The following SLC4A10 variants were observed in gnomAD, a reference collection of about 807,000 sequenced individuals.
SLC4A10 encodes solute carrier family 4 member 10.
Under a neutral mutation model 137.7 loss-of-function variants are expected in SLC4A10, and 42 were observed. That is an observed-to-expected ratio of 0.30 (90% CI 0.24 to 0.39). The LOEUF is 0.39. SLC4A10 is among the 10% of genes least tolerant of loss of function. SLC4A10 has a pLI of 1.00. For synonymous variants in SLC4A10, 474 were observed against 464.1 expected (o/e 1.02, Z -0.27); for missense variants, 925 against 1,355.0 (o/e 0.68, Z 4.98).
At chr2:161,928,287 C>T (rs960869340) in intron 15 of SLC4A10, among the ~76,000 whole-genome samples, 16 of 147,408 alleles carry the variant, frequency 1.1e-4, no homozygotes, top group East Asian at 8.1e-4. Context: ...AAACCAAACA[C>T]GGCATATTCT....
intron 2 of SLC4A10, among the ~76,000 whole-genome samples, chr2:161,793,938 G>A (rs2054484626): frequency 6.6e-6 from 1 of 151,998 alleles, no homozygotes; most frequent in Admixed American, 6.6e-5. Flanking sequence ...GATTGAATTA[G>A]AAGATAATAT....
At chr2:161,804,980 G>A (rs954602830) in intron 3 of SLC4A10, among the ~76,000 whole-genome samples, 10 of 152,066 alleles carry the variant, frequency 6.6e-5, no homozygotes, top group South Asian at 4.1e-4. Context: ...GTATTAGTCC[G>A]TTTTCACACT....
intron 15 of SLC4A10, among the ~76,000 whole-genome samples, chr2:161,911,259 A>G (rs1685779467): frequency 6.6e-6 from 1 of 152,014 alleles, no homozygotes. Flanking sequence ...TTTGGGATAA[A>G]TTTGACACAT....
intron 1 of SLC4A10, among the ~76,000 whole-genome samples, chr2:161,758,460 A>G (rs529906153): frequency 6.6e-6 from 1 of 152,028 alleles, no homozygotes; most frequent in African/African-American, 2.4e-5. Flanking sequence ...TTCAAATATT[A>G]TTTTATTATT....
At chr2:161,751,378 A>T (rs1574759039) in intron 1 of SLC4A10, among the ~76,000 whole-genome samples, 4 of 123,076 alleles carry the variant, frequency 3.3e-5, no homozygotes, top group African/African-American at 6.1e-5. Flanking sequence ...ATATATTGCT[A>T]GGTTTAATTA....
intron 3 of SLC4A10, among the ~76,000 whole-genome samples, chr2:161,836,597 AAAGG>A (rs200279129): frequency 0.1 from 2,919 of 29,096 alleles, 178 homozygotes; most frequent in East Asian, 0.4. Context: ...AGAAAGAAAG[AAAGG>A]AAGGAAGGAA....
intron 15 of SLC4A10, among the ~76,000 whole-genome samples, chr2:161,918,217 G>A (rs891569982): frequency 2.6e-5 from 4 of 152,160 alleles, no homozygotes; most frequent in Non-Finnish European, 5.9e-5. Context: ...GTGCAGCGGT[G>A]CAATCTCAGC....
chr2:161,771,042 G>C lies in SLC4A10; in HGVS notation c.118G>C (p.Glu40Gln). Residue 40 changes from glutamate to glutamine, a missense_variant, in exon 2 of 27, where the codon GAA becomes CAA. By Grantham distance (29) the Glu-to-Gln change is conservative. This residue lies in a region of SLC4A10 where 138 missense variants were observed against 171.3 expected (regional missense o/e 0.81). Coordinates refer to ENST00000446997, the MANE Select transcript of SLC4A10 (RefSeq NM_001178015.2). ...RSILKTHFEKEDLEGHRTLFI... is the reference protein window; with the variant it reads ...RSILKTHFEKQDLEGHRTLFI... ...TATTCTCAAAACACACTTTGAGAAA[G>C]AAGATTTAGAAGGTAAGACCATTTT... The C allele has an allele frequency of 6.3e-7, 1 of 1,598,688 alleles. No individual in the cohort carries two copies.
At chr2:161,904,361 C>G (rs2080124544) in intron 13 of SLC4A10, among the ~76,000 whole-genome samples, 183 bp downstream of exon 13, 1 of 152,092 alleles carries the variant, frequency 6.6e-6, no homozygotes, top group Admixed American at 6.6e-5. Context: ...AGTGGAATGT[C>G]TCAGAATAAC....
chr2:161,700,537 T>A (rs571783829), intron 1 of SLC4A10, among the ~76,000 whole-genome samples: 2 of 152,184 alleles, frequency 1.3e-5, no homozygotes, highest in Admixed American at 6.5e-5. Flanking sequence ...ATAGTGAAGA[T>A]GATAACAATA....
At position 161,840,046 on chromosome 2, in the gene SLC4A10, C is replaced by T. The variant is rs886862862; in HGVS notation, c.416+119C>T. On this transcript the variant is annotated intron_variant, in intron 4 of 26. Transcript: ENST00000446997. ...TGATTGCTGCTGATTTTAGAAGTTG[C>T]TCATCTAGCCTGAGCATATCCTATA... The T allele has an allele frequency of 2.4e-6, 3 of 1,227,468 alleles. No homozygotes were observed. The African/African-American group carries it at 4.5e-5, about 18-fold the overall frequency. 76.0% of individuals were successfully genotyped at this position (1,227,468 alleles called of 1,614,324 possible). A position where few individuals can be genotyped will look rare whatever the true frequency, so the allele number is the denominator to read the frequency against.
At chr2:161,822,551 A>G (rs1359925783) in intron 3 of SLC4A10, among the ~76,000 whole-genome samples, 2 of 152,240 alleles carry the variant, frequency 1.3e-5, no homozygotes, top group Non-Finnish European at 1.5e-5. Flanking sequence ...AGTCTGAGAG[A>G]TAACAGGCTA....
intron 1 of SLC4A10, among the ~76,000 whole-genome samples, chr2:161,672,717 C>T (rs2039870790): frequency 1.3e-5 from 2 of 152,020 alleles, no homozygotes; most frequent in Admixed American, 1.3e-4. Context: ...AAGCATTAAC[C>T]TCATGATTTA....
chr2:161,864,583 A>G (rs2060625021), intron 6 of SLC4A10, among the ~76,000 whole-genome samples: 1 of 152,186 alleles, frequency 6.6e-6, no homozygotes, highest in South Asian at 2.1e-4. Context: ...GACTGAATAT[A>G]AGTCATTTTT....
intron 1 of SLC4A10, among the ~76,000 whole-genome samples, chr2:161,673,584 C>T (rs2039967925): frequency 6.6e-6 from 1 of 152,154 alleles, no homozygotes; most frequent in Non-Finnish European, 1.5e-5. Flanking sequence ...ACCTTTGCTT[C>T]TCTGTTTCAT....
At chr2:161,640,634 TTCCTTC>T (rs2035163026) in intron 1 of SLC4A10, among the ~76,000 whole-genome samples, 1 of 146,854 alleles carries the variant, frequency 6.8e-6, no homozygotes, top group Non-Finnish European at 1.5e-5. Flanking sequence ...CCTTCCTTCC[TTCCTTC>T]CTTCCTTCCT....
At chr2:161,684,341 G>A (rs541370401) in intron 1 of SLC4A10, among the ~76,000 whole-genome samples, 1 of 152,130 alleles carries the variant, frequency 6.6e-6, no homozygotes, top group South Asian at 2.1e-4. Flanking sequence ...CCATTTTTCT[G>A]CATTTTTTTC....
At chr2:161,643,971 G>A (rs1252036511) in intron 1 of SLC4A10, among the ~76,000 whole-genome samples, 1 of 151,944 alleles carries the variant, frequency 6.6e-6, no homozygotes, top group African/African-American at 2.4e-5. Flanking sequence ...TCATGATTAT[G>A]ATGGCAGCAC....
chr2:161,964,392 A>G, intron 22 of SLC4A10, 84 bp downstream of exon 22: 1 of 1,363,736 alleles, frequency 7.3e-7, no homozygotes, highest in Non-Finnish European at 1.0e-6. Flanking sequence ...TGAAACTGGA[A>G]CAACAGAGTC....
Sources: allele counts gnomAD v4.1 joint callset (sites outside exome capture counted in the v4.1 genomes callset), GRCh38; gene constraint gnomAD v4.1.1; regional missense constraint gnomAD v4.1.1; transcripts MANE v1.5; gene names NCBI Gene and HGNC (gene_info 2026-07-23, HGNC 2026-07-21).